The following GOLPH3 variants were observed in gnomAD, a reference collection of about 807,000 sequenced individuals.
GOLPH3 encodes golgi phosphoprotein 3.
A neutral mutation model predicts 28.5 loss-of-function variants in GOLPH3; 14 were observed. That is an observed-to-expected ratio of 0.49 (90% CI 0.32 to 0.77). GOLPH3 has a LOEUF of 0.77. GOLPH3 is among the 30% of genes least tolerant of loss of function. GOLPH3 has a pLI of 0.03. For missense variants in GOLPH3, 350 were observed against 393.7 expected (o/e 0.89, Z 0.94); for synonymous variants, 158 against 159.2 (o/e 0.99, Z 0.06).
At chr5:32,165,645 A>G (rs1420293510) in intron 1 of GOLPH3, among the ~76,000 whole-genome samples, 1 of 152,214 alleles carries the variant, frequency 6.6e-6, no homozygotes, top group Non-Finnish European at 1.5e-5. Flanking sequence ...TTACTATATG[A>G]GCTTTGACAC....
At chr5:32,133,218 AGC>A (rs1745863252) in intron 3 of GOLPH3, among the ~76,000 whole-genome samples, 2 of 152,234 alleles carry the variant, frequency 1.3e-5, no homozygotes, top group African/African-American at 4.8e-5. Flanking sequence ...GTGCAACAGC[AGC>A]CATAGGTGAG....
At chr5:32,153,631 A>G (rs1746358010) in intron 1 of GOLPH3, among the ~76,000 whole-genome samples, 1 of 152,244 alleles carries the variant, frequency 6.6e-6, no homozygotes, top group Admixed American at 6.5e-5. Context: ...GCGGTAAGCC[A>G]ATGCAAATAT....
At chr5:32,152,426 C>T (rs1287434201) in intron 1 of GOLPH3, among the ~76,000 whole-genome samples, 5 of 126,536 alleles carry the variant, frequency 4.0e-5, no homozygotes, top group Non-Finnish European at 8.8e-5. Context: ...CGCCTGCCCC[C>T]CCCAGCCTTT....
intron 1 of GOLPH3, among the ~76,000 whole-genome samples, chr5:32,168,580 G>A (rs1746764076): frequency 6.6e-6 from 1 of 152,118 alleles, no homozygotes; most frequent in Admixed American, 6.6e-5. Flanking sequence ...TCACAACACT[G>A]AAAGATGACT....
intron 1 of GOLPH3, among the ~76,000 whole-genome samples, chr5:32,172,738 G>A (rs984816481): frequency 1.3e-5 from 2 of 151,946 alleles, no homozygotes; most frequent in Admixed American, 6.6e-5. Context: ...CGGGCATGGT[G>A]GCGCATGCCT....
intron 3 of GOLPH3, among the ~76,000 whole-genome samples, chr5:32,131,250 T>C (rs2111837487): frequency 1.3e-5 from 2 of 152,336 alleles, no homozygotes; most frequent in South Asian, 2.1e-4. Flanking sequence ...TTAATAGTAT[T>C]TGTGGTATAG....
rs193019820 is a variant in GOLPH3, at chr5:32,162,360, C to T, written c.225+11450G>A. Among the ~76,000 whole-genome samples, 54 of 151,198 alleles carry T rather than the reference C, an allele frequency of 3.6e-4. 1 individual carries two copies. The highest frequency in any genetic ancestry group is 1.5e-3 in the Admixed American group (23 of 15,222). ...ACAAAAATTTAGCCAGGCGTGGTGG[C>T]AGGCGCCTGTAGTCCCAGCTACTCA... On this transcript the variant is annotated intron_variant, in intron 1 of 3. Transcript: ENST00000265070.
chr5:32,162,370 T>C (rs1746604002), intron 1 of GOLPH3, among the ~76,000 whole-genome samples: 1 of 150,782 alleles, frequency 6.6e-6, no homozygotes, highest in Non-Finnish European at 1.5e-5. Flanking sequence ...CAGGCGCCTG[T>C]AGTCCCAGCT....
rs1299607405 is a variant in GOLPH3 at position 32,174,224 on chromosome 5, G to C, written c.-190C>G. The C allele has an allele frequency of 2.6e-6, 1 of 378,796 alleles. No homozygotes were observed. Among genetic ancestry groups the C allele is most frequent in the African/African-American group, 2.1e-5 (1 of 47,650 alleles). 23.5% of individuals were successfully genotyped at this position (378,796 alleles called of 1,614,324 possible). A position where few individuals can be genotyped will look rare whatever the true frequency, so the allele number is the denominator to read the frequency against. ...GGGCGAAGCGGGCTGGCCGGGCGTC[G>C]GCGGGGCAGGAGAGGAGCGCCTTCC... On this transcript the variant is annotated 5_prime_UTR_variant, in exon 1 of 4. Transcript: ENST00000265070.
intron 2 of GOLPH3, among the ~76,000 whole-genome samples, chr5:32,139,254 T>C (rs1401751347): frequency 2.6e-5 from 4 of 152,332 alleles, no homozygotes; most frequent in South Asian, 2.1e-4. Context: ...AGCATTTACA[T>C]TGTATTAGGT....
At chr5:32,158,072 C>G (rs184778040) in intron 1 of GOLPH3, among the ~76,000 whole-genome samples, 10 of 109,104 alleles carry the variant, frequency 9.2e-5, no homozygotes, top group Non-Finnish European at 1.7e-4. Flanking sequence ...TGGGCAAAAT[C>G]AGCTTTAAAC....
chr5:32,149,912 G>A (rs1029168213), intron 1 of GOLPH3, among the ~76,000 whole-genome samples: 1 of 151,882 alleles, frequency 6.6e-6, no homozygotes, highest in Non-Finnish European at 1.5e-5. Context: ...CAGGAGAATC[G>A]CTAGATCCTG....
At chr5:32,160,849 C>T (rs1341686434) in intron 1 of GOLPH3, among the ~76,000 whole-genome samples, 1 of 152,084 alleles carries the variant, frequency 6.6e-6, no homozygotes, top group African/African-American at 2.4e-5. Flanking sequence ...GGGCGGACCA[C>T]GAGGTCAGGA....
Position 32,174,145 on chromosome 5 carries a change from C to T in GOLPH3, c.-111G>A. 2 of 689,132 alleles carry T rather than the reference C, an allele frequency of 2.9e-6. No individual in the cohort carries two copies. Among genetic ancestry groups the T allele is most frequent in the South Asian group, 6.7e-5 (1 of 14,948 alleles). 42.7% of individuals were successfully genotyped at this position (689,132 alleles called of 1,614,324 possible). ...GGGTTTCCGTGTTAAATCCGGACGCCGGGGCGACGTCCGTCGGCAGCAGGG... is the reference window on the plus strand; with the variant it reads ...GGGTTTCCGTGTTAAATCCGGACGCTGGGGCGACGTCCGTCGGCAGCAGGG... On this transcript the variant is annotated 5_prime_UTR_variant, in exon 1 of 4. Transcript: ENST00000265070.
At chr5:32,147,125 C>A (rs1456286774) in intron 1 of GOLPH3, among the ~76,000 whole-genome samples, 1 of 151,996 alleles carries the variant, frequency 6.6e-6, no homozygotes, top group East Asian at 1.9e-4. Flanking sequence ...TCCTTTGACA[C>A]AATTCTTATG....
chr5:32,173,767 G>C, intron 1 of GOLPH3, 43 bp downstream of exon 1: 1 of 1,292,322 alleles, frequency 7.7e-7, no homozygotes, highest in South Asian at 2.3e-5. Flanking sequence ...CTGGCGCCCG[G>C]GCCCCGCGCC....
At chr5:32,139,998 T>C (rs1318043463) in intron 2 of GOLPH3, among the ~76,000 whole-genome samples, 1 of 152,120 alleles carries the variant, frequency 6.6e-6, no homozygotes, top group Non-Finnish European at 1.5e-5. Flanking sequence ...GAAGTCCGTA[T>C]CCAATTTACA....
At chr5:32,132,302 C>T (rs323841) in intron 3 of GOLPH3, among the ~76,000 whole-genome samples, 4,677 of 152,114 alleles carry the variant, frequency 0.031, 249 homozygotes, top group African/African-American at 0.11. Context: ...AAAATGAGCC[C>T]CTGGGTATCC....
chr5:32,171,443 C>T (rs1483104057), intron 1 of GOLPH3, among the ~76,000 whole-genome samples: 2 of 151,548 alleles, frequency 1.3e-5, no homozygotes, highest in Non-Finnish European at 2.9e-5. Context: ...TATTTCCTCA[C>T]TATAATTTCT....
Sources: allele counts gnomAD v4.1 joint callset (sites outside exome capture counted in the v4.1 genomes callset), GRCh38; gene constraint gnomAD v4.1.1; transcripts MANE v1.5; gene names NCBI Gene and HGNC (gene_info 2026-07-23, HGNC 2026-07-21).